Variants in SPESP1 observed in about 807,000 individuals in gnomAD.
SPESP1 encodes equatorial segment protein.
In SPESP1, 1 loss-of-function variant was observed where a neutral mutation model predicts 3.1. The ratio of observed to expected loss-of-function variants is 0.33; its 90% CI spans 0.12 to 1.54. The LOEUF is 1.54. Among genes scored for constraint, SPESP1 ranks in the 40% most tolerant of loss-of-function variants. The pLI is 0.38. For missense variants in SPESP1, 398 were observed against 410.1 expected, an observed-to-expected ratio of 0.97 and a Z score of 0.26; for synonymous variants, 138 against 150.7, an observed-to-expected ratio of 0.92 and a Z score of 0.62.
chr15:68,931,580 G>GATGCGCTCCCAGAGAGC (rs1488870259), intron 1 of SPESP1, among the ~76,000 whole-genome samples: 2 of 152,168 alleles, frequency 1.3e-5, no homozygotes, highest in African/African-American at 4.8e-5. Flanking sequence ...CTCACCTGAG[G>GATGCGCTCCCAGAGAGC]ATGCGCTCCC....
At chr15:68,940,450 G>T (rs1895789180) in intron 1 of SPESP1, among the ~76,000 whole-genome samples, 1 of 152,046 alleles carries the variant, frequency 6.6e-6, no homozygotes, top group Non-Finnish European at 1.5e-5. Flanking sequence ...CAAATATCTG[G>T]TTAGTGTTTC....
At position 68,946,005 on chromosome 15, in the gene SPESP1, G is replaced by A. The variant is rs1344851845; in HGVS notation, c.471G>A (p.Glu157=). Residue 157 remains glutamate, a synonymous_variant, in exon 2 of 2, where the codon GAG becomes GAA. Coordinates refer to ENST00000310673, the MANE Select transcript of SPESP1 (RefSeq NM_145658.4). ...PEPEPAAKQT[E]APRMLPVVTE... ...CGGAGCCAGCTGCAAAACAAACTGAGGCACCAAGAATGTTGCCAGTTGTTA... is the reference window on the plus strand; with the variant it reads ...CGGAGCCAGCTGCAAAACAAACTGAAGCACCAAGAATGTTGCCAGTTGTTA... The A allele has an allele frequency of 6.2e-7, 1 of 1,614,108 alleles. No homozygotes were observed. The highest frequency in any genetic ancestry group is 8.5e-7 in the Non-Finnish European group (1 of 1,180,012).
At chr15:68,941,497 A>T (rs994039296) in intron 1 of SPESP1, among the ~76,000 whole-genome samples, 3 of 152,100 alleles carry the variant, frequency 2.0e-5, no homozygotes, top group African/African-American at 4.8e-5. Flanking sequence ...TCAAGGGAAA[A>T]ATACGCTCCT....
intron 1 of SPESP1, among the ~76,000 whole-genome samples, chr15:68,942,430 C>T (rs928987421): frequency 6.6e-6 from 1 of 152,070 alleles, no homozygotes; most frequent in Non-Finnish European, 1.5e-5. Flanking sequence ...TATTTTCCCT[C>T]ATCTAATTGC....
At chr15:68,945,101 G>A (rs977662187) in intron 1 of SPESP1, among the ~76,000 whole-genome samples, 1 of 152,152 alleles carries the variant, frequency 6.6e-6, no homozygotes, top group East Asian at 1.9e-4. Context: ...AAAGTGATGA[G>A]TTTGGGATAT....
At chr15:68,932,637 C>G (rs1186659984) in intron 1 of SPESP1, among the ~76,000 whole-genome samples, 1 of 152,196 alleles carries the variant, frequency 6.6e-6, no homozygotes, top group Non-Finnish European at 1.5e-5. Context: ...AATGATCCAT[C>G]CGCCTCGGCC....
At chr15:68,939,448 C>T (rs1895761733) in intron 1 of SPESP1, among the ~76,000 whole-genome samples, 1 of 152,230 alleles carries the variant, frequency 6.6e-6, no homozygotes. Flanking sequence ...CCACAGCCAT[C>T]TGTAGGGACA....
At chr15:68,936,807 G>A (rs1895693348) in intron 1 of SPESP1, among the ~76,000 whole-genome samples, 1 of 152,134 alleles carries the variant, frequency 6.6e-6, no homozygotes, top group South Asian at 2.1e-4. Flanking sequence ...TAGAACATAA[G>A]TTTATGTGAT....
intron 1 of SPESP1, among the ~76,000 whole-genome samples, chr15:68,937,233 G>A (rs778139139): frequency 8.5e-5 from 13 of 152,096 alleles, no homozygotes; most frequent in Non-Finnish European, 1.6e-4. Context: ...CCAGCATTCT[G>A]TTCATTCATT....
chr15:68,934,422 C>T (rs993161211), intron 1 of SPESP1, among the ~76,000 whole-genome samples: 59 of 152,340 alleles, frequency 3.9e-4, no homozygotes, highest in African/African-American at 1.4e-3. Context: ...AGTTCTGGTG[C>T]TGCAAGTTCA....
chr15:68,937,523 C>T (rs147112059), intron 1 of SPESP1, among the ~76,000 whole-genome samples: 1,566 of 151,948 alleles, frequency 0.01, 30 homozygotes, highest in African/African-American at 0.036. Context: ...AAAACAGGAT[C>T]CATGTGTAGA....
intron 1 of SPESP1, among the ~76,000 whole-genome samples, chr15:68,933,988 G>A (rs56830147): frequency 0.066 from 9,961 of 151,810 alleles, 393 homozygotes; most frequent in East Asian, 0.18. Flanking sequence ...ATATTCATGG[G>A]CTGGCAGTGC....
intron 1 of SPESP1, among the ~76,000 whole-genome samples, chr15:68,937,319 G>A (rs558082651): frequency 1.2e-4 from 19 of 152,214 alleles, no homozygotes; most frequent in African/African-American, 4.1e-4. Flanking sequence ...GAACAAATTA[G>A]ATGTGTCACA....
At chr15:68,936,006 C>G (rs1330175560) in intron 1 of SPESP1, among the ~76,000 whole-genome samples, 1 of 152,184 alleles carries the variant, frequency 6.6e-6, no homozygotes, top group Non-Finnish European at 1.5e-5. Flanking sequence ...TTAATTCTTA[C>G]TTTAGTACTT....
chr15:68,930,738 G>A (rs1369540977), intron 1 of SPESP1, 21 bp downstream of exon 1: 1 of 1,613,728 alleles, frequency 6.2e-7, no homozygotes, highest in South Asian at 1.1e-5. Flanking sequence ...GGCCTGAGGA[G>A]GCAGCGGACC....
chr15:68,941,609 G>A (rs1595720691), intron 1 of SPESP1, among the ~76,000 whole-genome samples: 1 of 141,594 alleles, frequency 7.1e-6, no homozygotes, highest in Non-Finnish European at 1.5e-5. Context: ...TCTTCTGGGT[G>A]TGTGTCAAAT....
intron 1 of SPESP1, among the ~76,000 whole-genome samples, chr15:68,940,602 T>C (rs1299741016): frequency 6.6e-6 from 1 of 152,190 alleles, no homozygotes; most frequent in Non-Finnish European, 1.5e-5. Flanking sequence ...AATTTAATTG[T>C]TGAAGAAACT....
At chr15:68,936,841 GTAAGGGGCA>G (rs1188577418) in intron 1 of SPESP1, among the ~76,000 whole-genome samples, 3 of 152,100 alleles carry the variant, frequency 2.0e-5, no homozygotes, top group Non-Finnish European at 4.4e-5. Context: ...AGGCTATTTA[GTAAGGGGCA>G]GTTACAAGAA....
intron 1 of SPESP1, among the ~76,000 whole-genome samples, chr15:68,937,433 G>A (rs893856433): frequency 2.6e-5 from 4 of 152,180 alleles, no homozygotes; most frequent in African/African-American, 9.7e-5. Flanking sequence ...ATGCTAGAGA[G>A]AGACTAAAGA....
Sources: allele counts gnomAD v4.1 joint callset (sites outside exome capture counted in the v4.1 genomes callset), GRCh38; gene constraint gnomAD v4.1.1; transcripts MANE v1.5; gene names NCBI Gene and HGNC (gene_info 2026-07-23, HGNC 2026-07-21).